The following PLVAP variants were observed in gnomAD, a reference collection of about 807,000 sequenced individuals.
PLVAP encodes the protein plasmalemma vesicle associated protein.
A neutral mutation model predicts 43.1 loss-of-function variants in PLVAP; 34 were observed. The observed-to-expected ratio is 0.79, with a 90% CI of 0.60 to 1.05. The LOEUF (loss-of-function observed/expected upper bound fraction) is 1.05, where lower values mean the gene tolerates loss of function less well. PLVAP is among the 50% of genes least tolerant of loss of function. The probability of loss-of-function intolerance (pLI) is 0.00; values close to 1 mark genes in which losing one functional copy is unlikely to be tolerated. For synonymous variants in PLVAP, 241 were observed against 237.3 expected, an observed-to-expected ratio of 1.02 and a Z score of -0.14; for missense variants, 574 against 593.4, an observed-to-expected ratio of 0.97 and a Z score of 0.34.
chr19:17,365,567 C>T lies in PLVAP; in HGVS notation c.898G>A (p.Glu300Lys), dbSNP rs1241744157. ...LRADIERVARENSDLQRQKLE... is the reference protein window; with the variant it reads ...LRADIERVARKNSDLQRQKLE... ...TTCTGGCGTTGGAGGTCTGAGTTCT[C>T]GCGGGCCACGCGTTCGATATCCGCC... is the stretch of plus-strand genomic sequence containing the variant. Residue 300 changes from glutamate (E) to lysine (K), a missense_variant, in exon 3 of 6, where the codon GAG becomes AAG. Coordinates refer to ENST00000252590, the MANE Select transcript of PLVAP (RefSeq NM_031310.3). 3.1e-6 allele frequency: 5 copies of T among 1,611,894 alleles called. No individual in the cohort carries two copies. The highest frequency in any genetic ancestry group is 3.4e-6 in the Non-Finnish European group (4 of 1,180,012).
chr19:17,367,909 G>GC (rs1403755276), intron 1 of PLVAP, among the ~76,000 whole-genome samples: 2 of 151,232 alleles, frequency 1.3e-5, no homozygotes, highest in Non-Finnish European at 3.0e-5. Flanking sequence ...TTTGTTTTTT[G>GC]TTTTTTTACA....
chr19:17,354,673 C>A (rs555452514), intron 5 of PLVAP, among the ~76,000 whole-genome samples: 1 of 149,104 alleles, frequency 6.7e-6, no homozygotes, highest in African/African-American at 2.5e-5. Context: ...CCGAGGCAGG[C>A]GGATCACGAG....
At position 17,359,263 on chromosome 19, in the gene PLVAP, C is replaced by T. The variant is rs1174697716; in HGVS notation, c.1322+1265G>A. ...GATTACAGGTGCCCACCACCACACC[C>T]GGCTAATTTTTGTATTTTTTTTTTT... On this transcript the variant is annotated intron_variant, in intron 5 of 5. Transcript: ENST00000252590. Among the ~76,000 whole-genome samples, 9 of 149,774 alleles carry T rather than the reference C, an allele frequency of 6.0e-5. 1 individual carries two copies. Among genetic ancestry groups the T allele is most frequent in the Admixed American group, 6.7e-5 (1 of 14,896 alleles).
intron 1 of PLVAP, among the ~76,000 whole-genome samples, chr19:17,373,537 T>TC (rs2074583045): frequency 6.6e-6 from 1 of 151,924 alleles, no homozygotes; most frequent in Admixed American, 6.6e-5. Flanking sequence ...CCAGGTCACC[T>TC]CCTTGGAAGA....
chr19:17,355,234 TAATAATAATA>T (rs1183563688), intron 5 of PLVAP, among the ~76,000 whole-genome samples: 1 of 142,384 alleles, frequency 7.0e-6, no homozygotes, highest in Non-Finnish European at 1.5e-5. Context: ...AAAATAATAA[TAATAATAATA>T]ATAATAATAA....
At position 17,369,302 on chromosome 19, in the gene PLVAP, C is replaced by T. The variant is rs535084331; in HGVS notation, c.370-3107G>A. 9.0e-4 allele frequency among the ~76,000 whole-genome samples: 136 copies of T among 151,720 alleles called. 2 individuals are homozygous for T. Among genetic ancestry groups the T allele is most frequent in the African/African-American group, 2.9e-3 (119 of 41,536 alleles). On this transcript the variant is annotated intron_variant, in intron 1 of 5. Transcript: ENST00000252590. Reference sequence around the variant, plus strand: ...CCGGGTTCAAGTGATTCCCCAGCCTCAGCCTCTCGAGTAGCTGGGATTACA... The same window carrying T: ...CCGGGTTCAAGTGATTCCCCAGCCTTAGCCTCTCGAGTAGCTGGGATTACA...
At position 17,377,295 on chromosome 19, in the gene PLVAP, G is replaced by A. The variant is rs752866074; in HGVS notation, c.-7C>T. 122 of 1,602,028 alleles carry A rather than the reference G, an allele frequency of 7.6e-5. No individual in the cohort carries two copies. Among genetic ancestry groups the A allele is most frequent in the Admixed American group, 8.4e-5 (5 of 59,466 alleles). ...GCTCCATGGCCAGACCCATTTGCTC[G>A]ATCCCGCCGTCCGGTGCACCGTCCC... is the stretch of plus-strand genomic sequence containing the variant. On this transcript the variant is annotated 5_prime_UTR_variant, in exon 1 of 6. Transcript: ENST00000252590.
intron 5 of PLVAP, among the ~76,000 whole-genome samples, chr19:17,355,701 A>AT (rs1293845957): frequency 1.3e-5 from 2 of 151,270 alleles, no homozygotes; most frequent in African/African-American, 4.9e-5. Context: ...TGTCCAGTTA[A>AT]TTTTTTGTAT....
intron 1 of PLVAP, among the ~76,000 whole-genome samples, chr19:17,366,834 C>T (rs545827604): frequency 6.6e-6 from 1 of 151,902 alleles, no homozygotes; most frequent in South Asian, 2.1e-4. Context: ...CAGGGTTTCA[C>T]CATGTTGGCC....
intron 3 of PLVAP, chr19:17,362,132 T>C (rs1219163664): frequency 6.6e-6 from 1 of 151,960 alleles, no homozygotes; most frequent in Admixed American, 6.6e-5. Context: ...CCCAGCCCTG[T>C]GCTCCAACAT....
At chr19:17,363,359 G>T (rs1046059769) in intron 3 of PLVAP, among the ~76,000 whole-genome samples, 13 of 152,160 alleles carry the variant, frequency 8.5e-5, no homozygotes, top group African/African-American at 3.1e-4. Context: ...TAGAAACAGG[G>T]TTTCACCATG....
chr19:17,364,440 A>G (rs1435378305), intron 3 of PLVAP, among the ~76,000 whole-genome samples: 3 of 152,046 alleles, frequency 2.0e-5, no homozygotes, highest in African/African-American at 4.8e-5. Flanking sequence ...AGTTTAAGCT[A>G]TCCTTCCACC....
In PLVAP at chr19:17,369,990, G is replaced by A. The variant is rs190763025; in HGVS notation, c.370-3795C>T. Among the ~76,000 whole-genome samples, 847 of 125,500 alleles carry A rather than the reference G, an allele frequency of 6.7e-3. 8 individuals are homozygous for A. Among genetic ancestry groups the A allele is most frequent in the African/African-American group, 0.025 (804 of 31,742 alleles). 82.3% of individuals were successfully genotyped at this position (125,500 alleles called of 152,430 possible). On this transcript the variant is annotated intron_variant, in intron 1 of 5. Transcript: ENST00000252590. The stretch of plus-strand genomic sequence containing the variant: ...TGCACTCCAGCCTGGGTGACAGAGC[G>A]AGAGTCTGTCTAAAAAAAAAAAAAA...
rs2044091396 is a variant in PLVAP at position 17,351,473 on chromosome 19, A to C, written c.*889T>G. ...GTCTTTGAAGGATTTACTAATATTT[A>C]TTAAGTGCCACCAACATTTCAACGG... On this transcript the variant is annotated 3_prime_UTR_variant, in exon 6 of 6. Transcript: ENST00000252590. The C allele has an allele frequency of 2.0e-5, 3 of 152,214 alleles. No individual in the cohort carries two copies. The highest frequency in any genetic ancestry group is 2.0e-4 in the Admixed American group (3 of 15,282). 9.4% of individuals were successfully genotyped at this position (152,214 alleles called of 1,614,324 possible).
rs1262924371 is a variant in PLVAP, at chr19:17,365,373, C to T, written c.1092G>A (p.Glu364=). The change falls in exon 3 of 6, where the codon GAG becomes GAA. Residue 364 remains glutamate, a synonymous_variant. Transcript: ENST00000252590. ...CCGCCTCCCTCTTCTTCTCTTCCAGCTCCTTGGCCAGGTTGTCTCGTTCCT... is the reference window on the plus strand; with the variant it reads ...CCGCCTCCCTCTTCTTCTCTTCCAGTTCCTTGGCCAGGTTGTCTCGTTCCT... The part of the protein sequence containing the change: ...LRKERDNLAK[E]LEEKKREAEQ... 3.1e-6 allele frequency: 5 copies of T among 1,613,504 alleles called. 1 individual carries two copies. In the South Asian group the frequency reaches 4.4e-5, roughly 14 times the overall value.
At chr19:17,366,331 T>C in intron 1 of PLVAP, 136 bp from the exon 2 acceptor site, 1 of 751,542 alleles carries the variant, frequency 1.3e-6, no homozygotes, top group Non-Finnish European at 2.2e-6. Flanking sequence ...TGAGGGAATG[T>C]TAGAAGCCAG....
chr19:17,355,301 C>G (rs2044317985), intron 5 of PLVAP, among the ~76,000 whole-genome samples: 1 of 151,016 alleles, frequency 6.6e-6, no homozygotes, highest in African/African-American at 2.4e-5. Context: ...AAGCTCTTCC[C>G]ATTGCAATTT....
At chr19:17,368,345 T>A (rs1183463597) in intron 1 of PLVAP, among the ~76,000 whole-genome samples, 1 of 151,850 alleles carries the variant, frequency 6.6e-6, no homozygotes, top group Non-Finnish European at 1.5e-5. Flanking sequence ...GTGCTAGGAT[T>A]ACAGGTGTGA....
Position 17,372,807 on chromosome 19 carries a change from G to A in PLVAP, c.369+4113C>T, listed in dbSNP as rs1372666531. 2.8e-4 allele frequency among the ~76,000 whole-genome samples: 41 copies of A among 148,902 alleles called. 1 individual carries two copies. Among genetic ancestry groups the A allele is most frequent in the African/African-American group, 6.1e-4 (25 of 40,750 alleles). ...AGGCCAGGTGCAGTGGCTCACACCT[G>A]TAATCCCAGCACTGGGAGGCCAAGG... On this transcript the variant is annotated intron_variant, in intron 1 of 5. Transcript: ENST00000252590.
Sources: gnomAD v4.1 joint callset for allele counts (sites outside exome capture counted in the v4.1 genomes callset) on GRCh38, gnomAD v4.1.1 for gene constraint, MANE v1.5 for transcripts, NCBI Gene and HGNC (gene_info 2026-07-23, HGNC 2026-07-21) for gene names.